Variants in TSC1 observed in about 807,000 individuals in gnomAD.
TSC1 encodes hamartin.
A neutral mutation model predicts 124.3 loss-of-function variants in TSC1; 20 were observed. The observed-to-expected ratio is 0.16, with a 90% CI of 0.11 to 0.23. The LOEUF (loss-of-function observed/expected upper bound fraction) is 0.23. TSC1 is among the 10% of genes least tolerant of loss of function. The pLI is 1.00. For synonymous variants in TSC1, 493 were observed against 539.1 expected, an observed-to-expected ratio of 0.91 and a Z score of 1.19; for missense variants, 1,124 against 1,448.5, an observed-to-expected ratio of 0.78 and a Z score of 3.64.
intron 5 of TSC1, among the ~76,000 whole-genome samples, chr9:132,925,212 GA>G (rs1357828654): frequency 6.6e-6 from 1 of 152,166 alleles, no homozygotes; most frequent in African/African-American, 2.4e-5. Context: ...ATGGTTAACA[GA>G]AACTTTAAGC....
At position 132,928,850 on chromosome 9, in the gene TSC1, C is replaced by G. The variant is rs1269896419; in HGVS notation, c.23G>C (p.Gly8Ala). 1 of 1,614,076 alleles carries G rather than the reference C, an allele frequency of 6.2e-7. No individual in the cohort carries two copies. Among genetic ancestry groups the G allele is most frequent in the East Asian group, 2.2e-5 (1 of 44,900 alleles). MAQQANV[G>A]ELLAMLDSPM... ...GGAGTCCAGCATGGCAAGAAGCTCC[C>G]CGACATTTGCTTGTTGGGCCATTCT... Residue 8 changes from glycine (G) to alanine (A), a missense_variant, in exon 3 of 23, where the codon GGG becomes GCG. This residue lies in a region of TSC1 where 463 missense variants were observed against 606.8 expected (regional missense o/e 0.76). Coordinates refer to ENST00000298552, the MANE Select transcript of TSC1 (RefSeq NM_000368.5).
chr9:132,917,950 C>T (rs1224582241), intron 8 of TSC1, among the ~76,000 whole-genome samples: 2 of 152,150 alleles, frequency 1.3e-5, no homozygotes, highest in Non-Finnish European at 2.9e-5. Flanking sequence ...TTCTAGCTCT[C>T]TTTTCTCCTC....
intron 12 of TSC1, 78 bp from the exon 13 acceptor site, chr9:132,907,448 A>T: frequency 8.4e-7 from 1 of 1,196,350 alleles, no homozygotes; most frequent in East Asian, 2.3e-5. Flanking sequence ...AAGTAGTTTA[A>T]AGGTCAGCCG....
chr9:132,945,218 G>C (rs1327623610), upstream of TSC1: 1 of 152,316 alleles, frequency 6.6e-6, no homozygotes, highest in Non-Finnish European at 1.5e-5. Context: ...GGCCAGGGCA[G>C]CCCTCCTTCC....
chr9:132,930,413 G>A (rs1329892245), intron 2 of TSC1, among the ~76,000 whole-genome samples: 1 of 151,728 alleles, frequency 6.6e-6, no homozygotes, highest in African/African-American at 2.4e-5. Context: ...ACATGGTGAA[G>A]CCCCGTCTCT....
In TSC1 at chr9:132,927,859, T is replaced by C. The variant is rs539514401; in HGVS notation, c.107-555A>G. On this transcript the variant is annotated intron_variant, in intron 3 of 22. Transcript: ENST00000298552. ...TTTTTTAATTACAAAAAATAATCCA[T>C]ATCTACTGTTAAACATTCAGGCTAT... Among the ~76,000 whole-genome samples the C allele has an allele frequency of 3.3e-5, 5 of 152,296 alleles. No individual in the cohort carries two copies. In the South Asian group the frequency reaches 8.3e-4, roughly 25 times the overall value.
Position 132,903,331 on chromosome 9 carries a change from C to T in TSC1, c.2208+320G>A, listed in dbSNP as rs1212655347. Among the ~76,000 whole-genome samples, 3 of 152,220 alleles carry T rather than the reference C, an allele frequency of 2.0e-5. No individual in the cohort carries two copies. Among genetic ancestry groups the T allele is most frequent in the African/African-American group, 4.8e-5 (2 of 41,454 alleles). On this transcript the variant is annotated intron_variant, in intron 17 of 22. Transcript: ENST00000298552. This position sits in a 1 kb window ranked among gnomAD's most constrained non-coding sequence, Gnocchi z 5.9. ...GGCTTCACACCCGCTGTACAATACA[C>T]GCTTCAGTTTTGTGCCATGAAATAG...
intron 20 of TSC1, chr9:132,898,833 TGAGGCAATG>T (rs1244686568): frequency 6.6e-6 from 1 of 152,250 alleles, no homozygotes; most frequent in African/African-American, 2.4e-5. Flanking sequence ...CTGACTGGGT[TGAGGCAATG>T]ACTAGGCTAG....
At chr9:132,907,441 T>C in intron 12 of TSC1, 71 bp from the exon 13 acceptor site, 3 of 1,258,656 alleles carry the variant, frequency 2.4e-6, no homozygotes, top group Non-Finnish European at 3.5e-6. Context: ...TATTGTAAAG[T>C]AGTTTAAAGG....
rs1564497799 is a variant in TSC1 at position 132,921,802 on chromosome 9, A to C, written c.663+17T>G. ...ACAGTATACTAAGTAGCAAACAAAC[A>C]AGCAGTTTCAATTTACCTTGACCAC... On this transcript the variant is annotated intron_variant, in intron 7 of 22. Coordinates refer to ENST00000298552, the MANE Select transcript of TSC1 (RefSeq NM_000368.5). This position sits in a 1 kb window ranked among gnomAD's most constrained non-coding sequence, Gnocchi z 4.3. 2 of 1,613,926 alleles carry C rather than the reference A, an allele frequency of 1.2e-6. No homozygotes were observed. Among genetic ancestry groups the C allele is most frequent in the African/African-American group, 2.7e-5 (2 of 74,916 alleles).
In TSC1 at chr9:132,897,629, A is replaced by AAG. The variant is rs1238058020; in HGVS notation, c.2626-20_2626-19insCT. 3 of 1,579,320 alleles carry AAG rather than the reference A, an allele frequency of 1.9e-6. No individual in the cohort carries two copies. Among genetic ancestry groups the AAG allele is most frequent in the East Asian group, 2.2e-5 (1 of 44,788 alleles). The stretch of plus-strand genomic sequence containing the variant: ...CTACTTCCTGAAAAAAAAAAAAAAA[A>AAG]AAGACTGGAATTAGTACTTATAAAA... On this transcript the variant is annotated intron_variant, in intron 20 of 22. Coordinates refer to ENST00000298552, the MANE Select transcript of TSC1 (RefSeq NM_000368.5).
chr9:132,910,156 C>G (rs1184823912), intron 12 of TSC1: 2 of 292,084 alleles, frequency 6.8e-6, no homozygotes, highest in South Asian at 1.5e-4. Flanking sequence ...AAAAACTTAG[C>G]CAGGCATCAT....
intron 8 of TSC1, among the ~76,000 whole-genome samples, chr9:132,920,968 A>C (rs1846517421): frequency 6.6e-6 from 1 of 151,692 alleles, no homozygotes; most frequent in Non-Finnish European, 1.5e-5. Flanking sequence ...AGGGACTCCA[A>C]ATACTTAATA....
chr9:132,904,551 T>C, intron 15 of TSC1, 97 bp from the exon 16 acceptor site: 1 of 1,256,008 alleles, frequency 8.0e-7, no homozygotes, highest in Non-Finnish European at 1.2e-6. Flanking sequence ...CACTTCCTTG[T>C]GGTCAAAATC....
Position 132,895,849 on chromosome 9 carries a change from T to G in TSC1, c.*386A>C, listed in dbSNP as rs1588284864. On this transcript the variant is annotated 3_prime_UTR_variant, in exon 23 of 23. Coordinates refer to ENST00000298552, the MANE Select transcript of TSC1 (RefSeq NM_000368.5). Reference sequence around the variant, plus strand: ...GTCTAATTGAGAGCCAACCCAGTTATCTGAACTTCGGGAAAGCAGAAAGTG... The same window carrying G: ...GTCTAATTGAGAGCCAACCCAGTTAGCTGAACTTCGGGAAAGCAGAAAGTG... 2 of 338,002 alleles carry G rather than the reference T, an allele frequency of 5.9e-6. No homozygotes were observed. Among genetic ancestry groups the G allele is most frequent in the Non-Finnish European group, 1.1e-5 (2 of 181,094 alleles). The allele number at this position is 338,002 out of a possible 1,614,324, so 20.9% of individuals were successfully genotyped here.
chr9:132,930,871 G>A (rs1304618169), intron 2 of TSC1, among the ~76,000 whole-genome samples: 2 of 152,116 alleles, frequency 1.3e-5, no homozygotes, highest in Non-Finnish European at 2.9e-5. Context: ...AAATCACATA[G>A]GAAGTTAATT....
In TSC1 at chr9:132,905,716, A is replaced by G. The variant is rs1349094627; in HGVS notation, c.1862T>C (p.Ile621Thr). Residue 621 changes from isoleucine (I) to threonine (T), a missense_variant, in exon 15 of 23, where the codon ATC (isoleucine) becomes ACC (threonine). Physicochemically the swap from Ile to Thr is moderately conservative, Grantham distance 89. Coordinates refer to ENST00000298552, the MANE Select transcript of TSC1 (RefSeq NM_000368.5). ...CTTTAACAGCTCCTCAGTCTTCCTG[A>G]TGACAAAATGATGGGCTGTCTTTGG... is the stretch of plus-strand genomic sequence containing the variant. ...ALPKTAHHFV[I>T]RKTEELLKKA... is the part of the protein sequence containing the mutation. 1.9e-6 allele frequency: 3 copies of G among 1,614,132 alleles called. No individual in the cohort carries two copies. Among genetic ancestry groups the G allele is most frequent in the South Asian group, 1.1e-5 (1 of 91,066 alleles).
chr9:132,906,771 C>T lies in TSC1; in HGVS notation c.1398G>A (p.Leu466=). Residue 466 remains leucine, a synonymous_variant, in exon 14 of 23, where the codon CTG becomes CTA. Transcript: ENST00000298552. The surrounding 1 kb of genome is among the most constrained non-coding windows in gnomAD (Gnocchi z 4.1). ...LSDLPGFLGD[L]ASEEDSIEKD... is the part of the protein sequence containing the mutation. ...TTTCAATACTATCTTCTTCAGAGGCCAGATCACCTAAAAACCCTGGAAGAT... is the reference window on the plus strand; with the variant it reads ...TTTCAATACTATCTTCTTCAGAGGCTAGATCACCTAAAAACCCTGGAAGAT... 1 of 1,614,076 alleles carries T rather than the reference C, an allele frequency of 6.2e-7. No homozygotes were observed. The highest frequency in any genetic ancestry group is 8.5e-7 in the Non-Finnish European group (1 of 1,180,018).
At chr9:132,910,270 C>A in intron 12 of TSC1, 1 of 592,214 alleles carries the variant, frequency 1.7e-6, no homozygotes, top group South Asian at 2.1e-5. Flanking sequence ...CACTGCACTC[C>A]ACCCTGGGCG....
Sources: gnomAD v4.1 joint callset for allele counts (sites outside exome capture counted in the v4.1 genomes callset) on GRCh38, gnomAD v4.1.1 for gene constraint, gnomAD v4.1.1 regional missense constraint, Gnocchi (gnomAD v3.1) non-coding constraint, MANE v1.5 for transcripts, NCBI Gene and HGNC (gene_info 2026-07-23, HGNC 2026-07-21) for gene names.